EMID1: variants seen among roughly 807,000 people sequenced by gnomAD.
EMID1 encodes the protein EMI domain-containing protein 1.
Under a neutral mutation model 60.6 loss-of-function variants are expected in EMID1, and 40 were observed. That is an observed-to-expected ratio of 0.66 (90% CI 0.51 to 0.86). The LOEUF (loss-of-function observed/expected upper bound fraction) is 0.86, where lower values mean the gene tolerates loss of function less well. Among genes scored for constraint, EMID1 ranks in the 40% least tolerant of loss-of-function variants. The probability of loss-of-function intolerance (pLI) is 0.00; values close to 1 mark genes in which losing one functional copy is unlikely to be tolerated. For missense variants in EMID1, 585 were observed against 597.1 expected, an observed-to-expected ratio of 0.98 and a Z score of 0.21; for synonymous variants, 242 against 231.0, an observed-to-expected ratio of 1.05 and a Z score of -0.43.
At chr22:29,231,354 C>A in intron 6 of EMID1, 2 of 861,426 alleles carry the variant, frequency 2.3e-6, no homozygotes, top group Non-Finnish European at 1.8e-6. Context: ...CCCCAGCAGA[C>A]CCTGCCTGGA....
chr22:29,253,753 T>C (rs1250627645), intron 13 of EMID1, among the ~76,000 whole-genome samples: 2 of 152,198 alleles, frequency 1.3e-5, no homozygotes, highest in African/African-American at 4.8e-5. Flanking sequence ...GCTAATGTGG[T>C]GATTTAAAGC....
intron 1 of EMID1, among the ~76,000 whole-genome samples, chr22:29,212,267 G>A (rs113898436): frequency 0.043 from 6,572 of 151,718 alleles, 529 homozygotes; most frequent in African/African-American, 0.15. Context: ...GATTACAGGC[G>A]TAAGCCACTG....
chr22:29,227,827 A>C (rs1006477238), intron 5 of EMID1, among the ~76,000 whole-genome samples: 1 of 152,034 alleles, frequency 6.6e-6, no homozygotes, highest in Non-Finnish European at 1.5e-5. Context: ...CAGCCTGGCT[A>C]AGATGGTGAA....
intron 12 of EMID1, among the ~76,000 whole-genome samples, chr22:29,240,698 C>G (rs536569515): frequency 6.6e-6 from 1 of 152,206 alleles, no homozygotes; most frequent in Admixed American, 6.5e-5. Context: ...ATGCGCTTGA[C>G]GCATCGCATT....
intron 13 of EMID1, among the ~76,000 whole-genome samples, chr22:29,251,827 G>A (rs537682769): frequency 6.6e-6 from 1 of 152,058 alleles, no homozygotes; most frequent in Non-Finnish European, 1.5e-5. Flanking sequence ...ACCAAGCTTG[G>A]CTAATTTTTG....
chr22:29,230,486 T>G (rs1177731630), intron 5 of EMID1, among the ~76,000 whole-genome samples: 1 of 152,240 alleles, frequency 6.6e-6, no homozygotes, highest in Non-Finnish European at 1.5e-5. Flanking sequence ...AAAGCTCAAC[T>G]TTGATGGCAA....
intron 13 of EMID1, among the ~76,000 whole-genome samples, chr22:29,247,552 T>C (rs1473030067): frequency 6.6e-6 from 1 of 152,254 alleles, no homozygotes; most frequent in Non-Finnish European, 1.5e-5. Context: ...TGCAGGCAAC[T>C]GCAACACAGT....
At chr22:29,252,218 C>T (rs1232491844) in intron 13 of EMID1, among the ~76,000 whole-genome samples, 1 of 152,212 alleles carries the variant, frequency 6.6e-6, no homozygotes, top group Non-Finnish European at 1.5e-5. Context: ...CATTCAGCGG[C>T]CTGAGGGTCA....
chr22:29,245,244 G>A (rs2041289436), intron 13 of EMID1, among the ~76,000 whole-genome samples: 1 of 152,136 alleles, frequency 6.6e-6, no homozygotes, highest in Non-Finnish European at 1.5e-5. Flanking sequence ...GCTGGGATCA[G>A]ATAGACCCAT....
chr22:29,231,350 C>A, intron 6 of EMID1: 1 of 861,404 alleles, frequency 1.2e-6, no homozygotes, highest in Non-Finnish European at 1.8e-6. Flanking sequence ...GCAGCCCCAG[C>A]AGACCCTGCC....
At chr22:29,225,349 C>T (rs1383387733) in intron 4 of EMID1, 133 bp downstream of exon 4, 8 of 909,348 alleles carry the variant, frequency 8.8e-6, no homozygotes, top group African/African-American at 3.4e-5. Flanking sequence ...ACTATCTTCC[C>T]ACCCCATGCT....
intron 1 of EMID1, among the ~76,000 whole-genome samples, chr22:29,211,883 T>C (rs1422976887): frequency 2.0e-5 from 3 of 152,222 alleles, no homozygotes; most frequent in African/African-American, 7.2e-5. Flanking sequence ...TACACCAAGT[T>C]TTATGCGTAT....
chr22:29,222,112 A>G (rs2040320585), intron 3 of EMID1, among the ~76,000 whole-genome samples: 2 of 152,062 alleles, frequency 1.3e-5, no homozygotes, highest in African/African-American at 2.4e-5. Context: ...TGCTGATTTT[A>G]TTATTTTTTT....
At chr22:29,254,364 C>T in intron 14 of EMID1, 77 bp downstream of exon 14, 2 of 1,396,974 alleles carry the variant, frequency 1.4e-6, no homozygotes, top group Non-Finnish European at 2.0e-6. Context: ...TGGGGTGGAA[C>T]TGGCCTGAGC....
intron 13 of EMID1, among the ~76,000 whole-genome samples, chr22:29,250,415 T>C (rs2041481557): frequency 6.6e-6 from 1 of 152,248 alleles, no homozygotes; most frequent in Admixed American, 6.5e-5. Flanking sequence ...TAAATTTGTC[T>C]GATTGTTTCT....
At chr22:29,233,280 C>T in intron 8 of EMID1, 99 bp from the exon 9 acceptor site, 1 of 1,290,296 alleles carries the variant, frequency 7.8e-7, no homozygotes, top group Non-Finnish European at 1.1e-6. Context: ...TGCAGGCTGC[C>T]CCATAGGGCA....
intron 3 of EMID1, among the ~76,000 whole-genome samples, chr22:29,224,399 T>G (rs1000290174): frequency 2.2e-4 from 33 of 152,130 alleles, no homozygotes; most frequent in African/African-American, 7.5e-4. Context: ...GGCCAGTCCA[T>G]CCCTCCAGCT....
At chr22:29,209,356 C>T (rs554358622) in intron 1 of EMID1, among the ~76,000 whole-genome samples, 5 of 152,098 alleles carry the variant, frequency 3.3e-5, no homozygotes, top group Admixed American at 6.5e-5. Flanking sequence ...AGGGAAGTGC[C>T]GCCTCTTCCC....
chr22:29,234,123 G>T lies in EMID1; in HGVS notation c.967-14G>T. 2 of 1,575,146 alleles carry T rather than the reference G, an allele frequency of 1.3e-6. No individual in the cohort carries two copies. The highest frequency in any genetic ancestry group is 2.3e-5 in the South Asian group (2 of 85,934). On this transcript the variant is annotated splice_polypyrimidine_tract_variant and intron_variant, in intron 10 of 14. Coordinates refer to ENST00000334018, the MANE Select transcript of EMID1 (RefSeq NM_133455.4). ...TGCCCCAACACAAGGCTGAGGCCCT[G>T]TCTTGTTGCTCAGGGACCCCCAGGC...
Sources: gnomAD v4.1 joint callset for allele counts (sites outside exome capture counted in the v4.1 genomes callset) on GRCh38, gnomAD v4.1.1 for gene constraint, MANE v1.5 for transcripts, NCBI Gene and HGNC (gene_info 2026-07-23, HGNC 2026-07-21) for gene names.